The following SEC24D variants were observed in gnomAD, a reference collection of about 807,000 sequenced individuals.
SEC24D encodes the protein protein transport protein Sec24D.
A neutral mutation model predicts 116.9 loss-of-function variants in SEC24D; 69 were observed. The ratio of observed to expected loss-of-function variants is 0.59; its 90% CI spans 0.49 to 0.72. The LOEUF (loss-of-function observed/expected upper bound fraction) is 0.72, where lower values mean the gene tolerates loss of function less well. Among genes scored for constraint, SEC24D ranks in the 30% least tolerant of loss-of-function variants. The probability of loss-of-function intolerance (pLI) is 0.00; values close to 1 mark genes in which losing one functional copy is unlikely to be tolerated. For missense variants in SEC24D, 1,131 were observed against 1,264.1 expected, an observed-to-expected ratio of 0.89 and a Z score of 1.60; for synonymous variants, 405 against 442.8, an observed-to-expected ratio of 0.91 and a Z score of 1.07.
At chr4:118,798,905 A>C (rs1459820129) in intron 7 of SEC24D, among the ~76,000 whole-genome samples, 1 of 152,260 alleles carries the variant, frequency 6.6e-6, no homozygotes, top group Non-Finnish European at 1.5e-5. Context: ...GGGGGCACCA[A>C]CTGGTGTGGA....
At chr4:118,795,739 G>C (rs1274291513) in intron 8 of SEC24D, among the ~76,000 whole-genome samples, 2 of 152,140 alleles carry the variant, frequency 1.3e-5, no homozygotes, top group East Asian at 3.9e-4. Flanking sequence ...AATCACAACT[G>C]TGGCTGCCAG....
At chr4:118,735,235 G>T (rs568316897) in intron 19 of SEC24D, among the ~76,000 whole-genome samples, 1 of 152,234 alleles carries the variant, frequency 6.6e-6, no homozygotes, top group South Asian at 2.1e-4. Flanking sequence ...ATCTAATCAT[G>T]AAAACAAAAC....
At chr4:118,767,198 G>A (rs1727683222) in intron 9 of SEC24D, among the ~76,000 whole-genome samples, 1 of 152,218 alleles carries the variant, frequency 6.6e-6, no homozygotes, top group Non-Finnish European at 1.5e-5. Context: ...TGGACTGTGT[G>A]TGTGCGAGAT....
At chr4:118,742,450 C>A (rs1214784167) in intron 15 of SEC24D, among the ~76,000 whole-genome samples, 1 of 152,164 alleles carries the variant, frequency 6.6e-6, no homozygotes, top group Non-Finnish European at 1.5e-5. Flanking sequence ...TGGTAGGCTT[C>A]ATGTACCTCA....
chr4:118,820,581 G>A (rs573417720), intron 3 of SEC24D, among the ~76,000 whole-genome samples: 53 of 152,052 alleles, frequency 3.5e-4, no homozygotes, highest in African/African-American at 1.2e-3. Context: ...AACCTGGTGT[G>A]TAACTATAGG....
At chr4:118,778,709 C>T (rs558492927) in intron 8 of SEC24D, among the ~76,000 whole-genome samples, 24 of 152,270 alleles carry the variant, frequency 1.6e-4, no homozygotes, top group Middle Eastern at 3.4e-3. Flanking sequence ...GCCATTTTCA[C>T]GATATTGATT....
intron 14 of SEC24D, 65 bp downstream of exon 14, chr4:118,744,870 TACATGAAGA>T: frequency 1.3e-6 from 1 of 796,942 alleles, no homozygotes; most frequent in Admixed American, 2.2e-5. Flanking sequence ...CCTTTTTTCT[TACATGAAGA>T]ACACACTGCC....
At chr4:118,747,629 C>T (rs1396487690) in intron 13 of SEC24D, among the ~76,000 whole-genome samples, 1 of 152,036 alleles carries the variant, frequency 6.6e-6, no homozygotes, top group Non-Finnish European at 1.5e-5. Context: ...GGGTATAAAG[C>T]TTTAAAAAAA....
At chr4:118,770,063 T>C (rs953547420) in intron 8 of SEC24D, among the ~76,000 whole-genome samples, 2 of 152,112 alleles carry the variant, frequency 1.3e-5, no homozygotes, top group African/African-American at 4.8e-5. Context: ...AACATTATTG[T>C]AAAAATGATC....
chr4:118,790,311 T>C (rs145538511), intron 8 of SEC24D, among the ~76,000 whole-genome samples: 2,613 of 152,272 alleles, frequency 0.017, 36 homozygotes, highest in South Asian at 0.046. Flanking sequence ...ATAGGTGAAA[T>C]TACTTAATTG....
At chr4:118,760,418 C>T (rs1231511280) in intron 10 of SEC24D, 1 of 152,102 alleles carries the variant, frequency 6.6e-6, no homozygotes, top group Non-Finnish European at 1.5e-5. Flanking sequence ...CATATTTATC[C>T]TTTTTGTGGC....
chr4:118,785,043 A>G (rs548768041), intron 8 of SEC24D, among the ~76,000 whole-genome samples: 1 of 152,076 alleles, frequency 6.6e-6, no homozygotes, highest in African/African-American at 2.4e-5. Flanking sequence ...TAGACCATGG[A>G]AACTGAACTC....
At chr4:118,776,718 ATC>A (rs1728146373) in intron 8 of SEC24D, among the ~76,000 whole-genome samples, 1 of 152,144 alleles carries the variant, frequency 6.6e-6, no homozygotes, top group Non-Finnish European at 1.5e-5. Flanking sequence ...ATTTCTTACA[ATC>A]TTTGACCTAC....
At position 118,789,541 on chromosome 4, in the gene SEC24D, C is replaced by T. The variant is rs951826565; in HGVS notation, c.1041+8142G>A. Among the ~76,000 whole-genome samples the T allele has an allele frequency of 2.0e-5, 3 of 152,128 alleles. No homozygotes were observed. In the South Asian group the frequency reaches 6.2e-4, roughly 31 times the overall value. On this transcript the variant is annotated intron_variant, in intron 8 of 22. Transcript: ENST00000280551. ...TCTGCTGAATCTATCAAAATATAAA[C>T]AATCATTAACAAGAAAGATTTAAAC...
chr4:118,727,615 A>G (rs1725477709), intron 22 of SEC24D, among the ~76,000 whole-genome samples: 1 of 151,688 alleles, frequency 6.6e-6, no homozygotes, highest in Non-Finnish European at 1.5e-5. Flanking sequence ...ATTTGGTTAC[A>G]TGTTTCTAGG....
chr4:118,808,186 C>A (rs1211800120), intron 6 of SEC24D, among the ~76,000 whole-genome samples: 7 of 152,158 alleles, frequency 4.6e-5, no homozygotes, highest in Non-Finnish European at 7.4e-5. Context: ...GTCTCAAATT[C>A]TTGGGCTCAA....
At chr4:118,829,021 T>C (rs1031878832) in intron 2 of SEC24D, among the ~76,000 whole-genome samples, 1 of 152,198 alleles carries the variant, frequency 6.6e-6, no homozygotes, top group Admixed American at 6.5e-5. Flanking sequence ...CCTTCCACCC[T>C]AAGTCTTGTT....
chr4:118,778,458 T>C (rs1395169632), intron 8 of SEC24D, among the ~76,000 whole-genome samples: 1 of 152,228 alleles, frequency 6.6e-6, no homozygotes, highest in Admixed American at 6.5e-5. Flanking sequence ...TCTGTTCCAC[T>C]GGTCTATATC....
chr4:118,824,378 TC>T (rs1327107956), intron 3 of SEC24D, among the ~76,000 whole-genome samples: 1 of 152,156 alleles, frequency 6.6e-6, no homozygotes, highest in Non-Finnish European at 1.5e-5. Flanking sequence ...ACTCCTGGGC[TC>T]AAGCCATCTG....
Sources: gnomAD v4.1 joint callset for allele counts (sites outside exome capture counted in the v4.1 genomes callset) on GRCh38, gnomAD v4.1.1 for gene constraint, MANE v1.5 for transcripts, NCBI Gene and HGNC (gene_info 2026-07-23, HGNC 2026-07-21) for gene names.